The following CAST variants were observed in gnomAD, a reference collection of about 807,000 sequenced individuals.
The protein encoded by CAST is calpastatin, also known as MIR583 host.
A neutral mutation model predicts 119.6 loss-of-function variants in CAST; 76 were observed. That is an observed-to-expected ratio of 0.64 (90% CI 0.53 to 0.77). The LOEUF is 0.77. Among genes scored for constraint, CAST ranks in the 30% least tolerant of loss-of-function variants. The pLI is 0.00. For synonymous variants in CAST, 319 were observed against 331.6 expected (o/e 0.96, Z 0.41); for missense variants, 953 against 946.5 (o/e 1.01, Z -0.09).
the CAST span, among the ~76,000 whole-genome samples, chr5:96,419,176 A>C: frequency 0.025 from 3,731 of 151,920 alleles, 150 homozygotes; most frequent in African/African-American, 0.086. Flanking sequence ...TAGTATTTAA[A>C]TATCTTGTGG....
chr5:96,043,992 C>G, the CAST span, among the ~76,000 whole-genome samples: 9 of 152,116 alleles, frequency 5.9e-5, no homozygotes, highest in African/African-American at 1.9e-4. Flanking sequence ...AAATGCCATG[C>G]AATAGTTGGA....
chr5:96,544,047 G>A (rs1745961733), intron 1 of CAST, among the ~76,000 whole-genome samples: 2 of 152,122 alleles, frequency 1.3e-5, no homozygotes, highest in African/African-American at 4.8e-5. Flanking sequence ...GCTATTCTGG[G>A]TCTTTGCCTT....
the CAST span, among the ~76,000 whole-genome samples, chr5:96,402,043 A>C: frequency 1.3e-5 from 2 of 152,136 alleles, no homozygotes; most frequent in African/African-American, 4.8e-5. Flanking sequence ...TTTACTCCTC[A>C]AGGTTCCTGT....
At chr5:96,190,041 G>T in the CAST span, among the ~76,000 whole-genome samples, 5 of 152,078 alleles carry the variant, frequency 3.3e-5, no homozygotes, top group Non-Finnish European at 7.4e-5. Context: ...TCCAAGTTGG[G>T]GGTATTATTT....
chr5:96,235,924 C>T, the CAST span, among the ~76,000 whole-genome samples: 1 of 152,188 alleles, frequency 6.6e-6, no homozygotes, highest in Non-Finnish European at 1.5e-5. Flanking sequence ...ACCATGGATA[C>T]CCCTATTCCA....
At chr5:96,499,258 T>C in the CAST span, among the ~76,000 whole-genome samples, 25 of 152,200 alleles carry the variant, frequency 1.6e-4, no homozygotes, top group East Asian at 3.8e-4. Flanking sequence ...CTTTTCTTTA[T>C]ATGAGCATAC....
chr5:96,049,889 C>CAAATAAAAAAAAAA, the CAST span, among the ~76,000 whole-genome samples: 1 of 34,188 alleles, frequency 2.9e-5, no homozygotes, highest in African/African-American at 1.0e-4. Flanking sequence ...GAACAGGAGG[C>CAAATAAAAAAAAAA]AAAAAAAAAA....
chr5:96,267,983 A>G, the CAST span, among the ~76,000 whole-genome samples: 1 of 152,192 alleles, frequency 6.6e-6, no homozygotes, highest in Non-Finnish European at 1.5e-5. Context: ...ATTCTTTATG[A>G]TCTAAGATAA....
At chr5:96,105,883 T>G in the CAST span, among the ~76,000 whole-genome samples, 1 of 152,332 alleles carries the variant, frequency 6.6e-6, no homozygotes, top group Admixed American at 6.5e-5. Flanking sequence ...TCTTGGTTGG[T>G]AAGCTATTGA....
chr5:96,680,383 G>A (rs619935), intron 2 of CAST, among the ~76,000 whole-genome samples: 4,162 of 79,768 alleles, frequency 0.052, 353 homozygotes, highest in African/African-American at 0.14. Context: ...AAAAAAAGAA[G>A]AAGAAGAAAA....
the CAST span, among the ~76,000 whole-genome samples, chr5:96,413,627 C>G: frequency 6.6e-6 from 1 of 150,986 alleles, no homozygotes; most frequent in Non-Finnish European, 1.5e-5. Flanking sequence ...TGGAGAAACC[C>G]CATCTTTACT....
chr5:96,671,214 T>C (rs1371570141), intron 1 of CAST, among the ~76,000 whole-genome samples: 2 of 152,170 alleles, frequency 1.3e-5, no homozygotes, highest in African/African-American at 2.4e-5. Flanking sequence ...TCTAGTCTCC[T>C]GTCTTCTATG....
intron 1 of CAST, among the ~76,000 whole-genome samples, chr5:96,566,349 A>G (rs1244745332): frequency 6.6e-6 from 1 of 152,176 alleles, no homozygotes; most frequent in African/African-American, 2.4e-5. Flanking sequence ...CCAAATTAAG[A>G]TGGAAACAGA....
At chr5:96,367,981 G>A in the CAST span, among the ~76,000 whole-genome samples, 3 of 151,878 alleles carry the variant, frequency 2.0e-5, no homozygotes, top group Non-Finnish European at 4.4e-5. Context: ...CCTCTAGTAC[G>A]CTTTTATAAC....
chr5:96,395,457 C>A, the CAST span, among the ~76,000 whole-genome samples: 5 of 152,190 alleles, frequency 3.3e-5, no homozygotes, highest in Non-Finnish European at 7.3e-5. Flanking sequence ...GAATACTATG[C>A]AGCCATAAAA....
chr5:96,307,821 A>G, the CAST span, among the ~76,000 whole-genome samples: 1 of 152,146 alleles, frequency 6.6e-6, no homozygotes, highest in Non-Finnish European at 1.5e-5. Flanking sequence ...CGAGAGATCC[A>G]CTGCTAGTCT....
the CAST span, among the ~76,000 whole-genome samples, chr5:96,296,635 T>C: frequency 6.6e-6 from 1 of 152,178 alleles, no homozygotes; most frequent in African/African-American, 2.4e-5. Flanking sequence ...ATGCTAAAAA[T>C]AGATAGTATC....
chr5:96,523,411 G>A (rs1481936685), upstream of CAST, among the ~76,000 whole-genome samples: 4 of 152,194 alleles, frequency 2.6e-5, no homozygotes, highest in Admixed American at 2.0e-4. Context: ...GAAACCAAGA[G>A]AGTCAAGTTT....
rs1011616853 is a variant in CAST, at chr5:96,555,874, G to A, written c.60+25994G>A. ...TCCCTGTCTGACAGCTTTGAAGAGA[G>A]TAGTGGTTCTCCCAGCACGCAGCTG... On this transcript the variant is annotated intron_variant, in intron 1 of 11. Coordinates refer to the CAST transcript ENST00000505143. 3.3e-5 allele frequency among the ~76,000 whole-genome samples: 5 copies of A among 152,196 alleles called. No individual in the cohort carries two copies. The South Asian group carries it at 6.2e-4, about 19-fold the overall frequency.
Sources: allele counts gnomAD v4.1 joint callset (sites outside exome capture counted in the v4.1 genomes callset), GRCh38; gene constraint gnomAD v4.1.1; transcripts MANE v1.5; gene names NCBI Gene and HGNC (gene_info 2026-07-23, HGNC 2026-07-21).